RNF220: variants seen among roughly 807,000 people sequenced by gnomAD.
The protein encoded by RNF220 is E3 ubiquitin-protein ligase RNF220.
Under a neutral mutation model 67.1 loss-of-function variants are expected in RNF220, and 7 were observed. That is an observed-to-expected ratio of 0.10 (90% CI 0.06 to 0.20). The LOEUF (loss-of-function observed/expected upper bound fraction) is 0.20. Among genes scored for constraint, RNF220 ranks in the 10% least tolerant of loss-of-function variants. RNF220 has a pLI of 1.00. For synonymous variants in RNF220, 270 were observed against 283.2 expected, an observed-to-expected ratio of 0.95 and a Z score of 0.47; for missense variants, 565 against 740.3, an observed-to-expected ratio of 0.76 and a Z score of 2.75.
Position 44,550,500 on chromosome 1 carries a change from A to G in RNF220, c.626-63665A>G, listed in dbSNP as rs1248862305. 3.5e-4 allele frequency among the ~76,000 whole-genome samples: 54 copies of G among 152,204 alleles called. 1 individual carries two copies. The highest frequency in any genetic ancestry group is 3.5e-3 in the Admixed American group (54 of 15,282). On this transcript the variant is annotated intron_variant, in intron 2 of 14. Transcript: ENST00000361799. ...AAATCTCCCCTAGGTGCATGGGAGA[A>G]TCTGCGGCCCTCTCAACAGTGATGG...
chr1:44,424,633 CA>C (rs1380099799), intron 2 of RNF220, among the ~76,000 whole-genome samples: 2 of 152,172 alleles, frequency 1.3e-5, no homozygotes, highest in Non-Finnish European at 2.9e-5. Flanking sequence ...TGCTCACAAA[CA>C]GTACCTTCCT....
rs759844996 is a variant in RNF220, at chr1:44,644,662, T to C, written c.1127-36T>C. 1.9e-6 allele frequency: 3 copies of C among 1,572,462 alleles called. No individual in the cohort carries two copies. In the South Asian group the frequency reaches 3.3e-5, roughly 17 times the overall value. ...AGGAGGGGCACCCTTGGCCTCGTCT[T>C]GTCCCCAGGCCCTCCTCACACCCTG... On this transcript the variant is annotated intron_variant, in intron 8 of 14. Coordinates refer to ENST00000361799, the MANE Select transcript of RNF220 (RefSeq NM_018150.4).
chr1:44,414,677 C>T (rs1648341615), intron 2 of RNF220, among the ~76,000 whole-genome samples: 1 of 152,106 alleles, frequency 6.6e-6, no homozygotes, highest in South Asian at 2.1e-4. Context: ...ATGAGTCTGT[C>T]TCCCAAAGTG....
intron 2 of RNF220, among the ~76,000 whole-genome samples, chr1:44,571,299 A>G (rs564729741): frequency 1.6e-4 from 24 of 152,100 alleles, no homozygotes; most frequent in Non-Finnish European, 3.4e-4. Flanking sequence ...TATTTCCTCT[A>G]CCTGAAACAC....
In RNF220 at chr1:44,645,052, G is replaced by A. The variant is rs1644597400; in HGVS notation, c.1281G>A (p.Glu427=). ...GCGAGGAGCCTGGTGAAGCCAAGGA[G>A]AGAGAGGCACTTCGGGGCGCAGTCC... ...CTGEEPGEAK[E]REALRGAVLN... The change falls in exon 10 of 15, where the codon GAG becomes GAA. Residue 427 remains glutamate, a synonymous_variant. Transcript: ENST00000361799. The surrounding 1 kb of genome is among the most constrained non-coding windows in gnomAD (Gnocchi z 5.0). 1 of 1,614,100 alleles carries A rather than the reference G, an allele frequency of 6.2e-7. No individual in the cohort carries two copies. The highest frequency in any genetic ancestry group is 8.5e-7 in the Non-Finnish European group (1 of 1,180,002).
At chr1:44,586,526 G>C (rs1030408479) in intron 2 of RNF220, among the ~76,000 whole-genome samples, 2 of 152,078 alleles carry the variant, frequency 1.3e-5, no homozygotes, top group African/African-American at 4.8e-5. Flanking sequence ...TGCTGCGGAT[G>C]ACACCAGGAC....
intron 2 of RNF220, among the ~76,000 whole-genome samples, chr1:44,432,722 G>A (rs984390808): frequency 6.6e-6 from 1 of 152,100 alleles, no homozygotes; most frequent in Non-Finnish European, 1.5e-5. Context: ...AACGACAGGT[G>A]TGCACCACCA....
intron 2 of RNF220, among the ~76,000 whole-genome samples, chr1:44,593,902 T>C (rs112695271): frequency 0.18 from 27,119 of 151,528 alleles, 2,968 homozygotes; most frequent in Middle Eastern, 0.29. Context: ...CTGGCCAACA[T>C]GGTGAAACCC....
intron 2 of RNF220, among the ~76,000 whole-genome samples, chr1:44,507,806 G>A (rs1399186252): frequency 6.6e-6 from 1 of 152,140 alleles, no homozygotes; most frequent in African/African-American, 2.4e-5. Flanking sequence ...GGATCAAGTC[G>A]GTAGCATTGT....
At chr1:44,492,260 T>C (rs2148055560) in intron 2 of RNF220, among the ~76,000 whole-genome samples, 1 of 152,272 alleles carries the variant, frequency 6.6e-6, no homozygotes, top group Admixed American at 6.5e-5. Flanking sequence ...AAAAGTCAGA[T>C]AATAGCAAGT....
intron 1 of RNF220, chr1:44,410,596 A>C (rs1398043902): frequency 6.6e-6 from 1 of 152,226 alleles, no homozygotes. Context: ...TGGGAGAAGG[A>C]AATACTCTCT....
chr1:44,537,329 C>T (rs557027223), intron 2 of RNF220, among the ~76,000 whole-genome samples: 2 of 152,220 alleles, frequency 1.3e-5, no homozygotes, highest in South Asian at 4.1e-4. Context: ...TAGTTCCATT[C>T]CAATTACCAT....
At chr1:44,595,441 C>T (rs1211502498) in intron 2 of RNF220, among the ~76,000 whole-genome samples, 1 of 152,224 alleles carries the variant, frequency 6.6e-6, no homozygotes, top group Non-Finnish European at 1.5e-5. Context: ...CTCCCCGGGA[C>T]AGACTAGGGG....
chr1:44,513,478 T>TA (rs150690795), intron 2 of RNF220, among the ~76,000 whole-genome samples: 21,602 of 151,554 alleles, frequency 0.14, 1,951 homozygotes, highest in Non-Finnish European at 0.2. Context: ...AAGGCCCTTT[T>TA]AAAAAAAAAC....
chr1:44,521,228 A>G, intron 2 of RNF220, among the ~76,000 whole-genome samples: 1 of 152,276 alleles, frequency 6.6e-6, no homozygotes. Context: ...CTGCACCTGG[A>G]TCTAAAACTT....
At chr1:44,604,264 G>A (rs1306426157) in intron 2 of RNF220, among the ~76,000 whole-genome samples, 1 of 152,212 alleles carries the variant, frequency 6.6e-6, no homozygotes, top group Non-Finnish European at 1.5e-5. Context: ...AGGTCCACAT[G>A]TGGATATTTT....
chr1:44,620,984 C>T lies in RNF220; in HGVS notation c.759-1758C>T, dbSNP rs144726166. On this transcript the variant is annotated intron_variant, in intron 3 of 14. Coordinates refer to ENST00000361799, the MANE Select transcript of RNF220 (RefSeq NM_018150.4). ...AGGCTGGAGTACAGTGGCGCAATCT[C>T]GGCTCACTCCAACTTCTCCCTCCTG... 5.2e-3 allele frequency among the ~76,000 whole-genome samples: 787 copies of T among 149,962 alleles called. 5 individuals carry two copies. The highest frequency in any genetic ancestry group is 0.019 in the African/African-American group (753 of 40,540).
intron 2 of RNF220, among the ~76,000 whole-genome samples, chr1:44,535,329 C>T (rs149184412): frequency 0.014 from 2,184 of 151,964 alleles, 28 homozygotes; most frequent in South Asian, 0.057. Flanking sequence ...TTAGTAGAAA[C>T]GGGGTTTCAC....
rs1363181627 is a variant in RNF220, at chr1:44,621,472, A to C, written c.759-1270A>C. Reference sequence around the variant, plus strand: ...GTAGGCTGTTTAACATCCTCTACCTACTCCATGCCAGTAGCAACCTCCCCT... The same window carrying C: ...GTAGGCTGTTTAACATCCTCTACCTCCTCCATGCCAGTAGCAACCTCCCCT... On this transcript the variant is annotated intron_variant, in intron 3 of 14. Coordinates refer to ENST00000361799, the MANE Select transcript of RNF220 (RefSeq NM_018150.4). This position sits in a 1 kb window ranked among gnomAD's most constrained non-coding sequence, Gnocchi z 4.8. Among the ~76,000 whole-genome samples the C allele has an allele frequency of 6.6e-6, 1 of 151,726 alleles. No individual in the cohort carries two copies. Among genetic ancestry groups the C allele is most frequent in the Non-Finnish European group, 1.5e-5 (1 of 67,928 alleles).
Sources: allele counts gnomAD v4.1 joint callset (sites outside exome capture counted in the v4.1 genomes callset), GRCh38; gene constraint gnomAD v4.1.1; non-coding constraint Gnocchi (gnomAD v3.1); transcripts MANE v1.5; gene names NCBI Gene and HGNC (gene_info 2026-07-23, HGNC 2026-07-21).